The following LRRC1 variants were observed in gnomAD, a reference collection of about 807,000 sequenced individuals.
The protein encoded by LRRC1 is leucine-rich repeat-containing protein 1.
Under a neutral mutation model 69.9 loss-of-function variants are expected in LRRC1, and 28 were observed. That is an observed-to-expected ratio of 0.40 (90% CI 0.30 to 0.55). The LOEUF is 0.55. Among genes scored for constraint, LRRC1 ranks in the 20% least tolerant of loss-of-function variants. The pLI, the probability that LRRC1 is intolerant of heterozygous loss-of-function variation, is 0.47. For synonymous variants in LRRC1, 236 were observed against 240.2 expected (o/e 0.98, Z 0.16); for missense variants, 498 against 609.0 (o/e 0.82, Z 1.92).
intron 1 of LRRC1, among the ~76,000 whole-genome samples, chr6:53,823,112 G>T (rs1258115436): frequency 6.6e-6 from 1 of 152,132 alleles, no homozygotes; most frequent in African/African-American, 2.4e-5. Context: ...TTTTGGATAG[G>T]CTGCTATTGG....
intron 4 of LRRC1, among the ~76,000 whole-genome samples, chr6:53,892,893 A>G (rs1767749120): frequency 1.3e-5 from 2 of 152,212 alleles, no homozygotes; most frequent in South Asian, 4.1e-4. Flanking sequence ...TGACTTGTCC[A>G]GATTATGCTG....
At chr6:53,860,298 G>C (rs1766452600) in intron 2 of LRRC1, among the ~76,000 whole-genome samples, 1 of 152,158 alleles carries the variant, frequency 6.6e-6, no homozygotes, top group Non-Finnish European at 1.5e-5. Context: ...GAATATATGT[G>C]CATGCTTCAT....
intron 2 of LRRC1, among the ~76,000 whole-genome samples, chr6:53,871,101 G>A (rs1482364025): frequency 1.3e-5 from 2 of 152,172 alleles, no homozygotes; most frequent in Non-Finnish European, 2.9e-5. Flanking sequence ...ATAAACATGG[G>A]AGTGCAGATA....
intron 2 of LRRC1, 136 bp from the exon 3 acceptor site, chr6:53,878,857 T>C (rs1286326341): frequency 1.9e-6 from 1 of 537,024 alleles, no homozygotes; most frequent in East Asian, 3.0e-5. Flanking sequence ...TATATTAAAA[T>C]ACTTTATAAG....
chr6:53,855,389 C>T (rs761964274), intron 2 of LRRC1, among the ~76,000 whole-genome samples: 1 of 152,144 alleles, frequency 6.6e-6, no homozygotes, highest in African/African-American at 2.4e-5. Context: ...GCAAATTAGG[C>T]AAAACTGGAA....
At chr6:53,803,264 T>C (rs1036073427) in intron 1 of LRRC1, among the ~76,000 whole-genome samples, 1 of 152,228 alleles carries the variant, frequency 6.6e-6, no homozygotes, top group Admixed American at 6.5e-5. Context: ...ATGGTCTTGC[T>C]GTGCCGTGGA....
At chr6:53,889,175 G>A (rs1053537159) in intron 4 of LRRC1, among the ~76,000 whole-genome samples, 1 of 152,104 alleles carries the variant, frequency 6.6e-6, no homozygotes, top group African/African-American at 2.4e-5. Flanking sequence ...ATACCCTCTA[G>A]GATGATTATA....
intron 1 of LRRC1, among the ~76,000 whole-genome samples, chr6:53,801,182 G>A (rs1291560952): frequency 6.6e-6 from 1 of 152,124 alleles, no homozygotes; most frequent in Non-Finnish European, 1.5e-5. Flanking sequence ...TAGCTGAAGG[G>A]GTCACAGCGC....
At chr6:53,862,904 C>G (rs1766578197) in intron 2 of LRRC1, among the ~76,000 whole-genome samples, 1 of 152,190 alleles carries the variant, frequency 6.6e-6, no homozygotes, top group Non-Finnish European at 1.5e-5. Flanking sequence ...CATATTTAGT[C>G]TTGTTTGACA....
chr6:53,848,590 C>T (rs1461476192), intron 2 of LRRC1, among the ~76,000 whole-genome samples: 7 of 152,154 alleles, frequency 4.6e-5, no homozygotes, highest in African/African-American at 7.2e-5. Context: ...AGGGTCTTTT[C>T]GGTCTGCTTT....
intron 1 of LRRC1, among the ~76,000 whole-genome samples, chr6:53,835,392 A>G (rs1480354955): frequency 6.6e-6 from 1 of 152,184 alleles, no homozygotes; most frequent in Non-Finnish European, 1.5e-5. Context: ...AGCTACAAAG[A>G]GCCCTTTATC....
chr6:53,888,734 A>G (rs1053121957), intron 4 of LRRC1, among the ~76,000 whole-genome samples: 1 of 152,240 alleles, frequency 6.6e-6, no homozygotes, highest in Non-Finnish European at 1.5e-5. Flanking sequence ...AGATCTGAAT[A>G]TAAGAGCTAA....
At chr6:53,903,350 CT>C (rs1344428445) in intron 9 of LRRC1, among the ~76,000 whole-genome samples, 2 of 146,966 alleles carry the variant, frequency 1.4e-5, no homozygotes, top group Admixed American at 6.7e-5. Flanking sequence ...CGTGCACCCC[CT>C]GGCAAAGGGT....
At chr6:53,908,832 C>A (rs1768321690) in intron 10 of LRRC1, among the ~76,000 whole-genome samples, 1 of 152,098 alleles carries the variant, frequency 6.6e-6, no homozygotes, top group Non-Finnish European at 1.5e-5. Flanking sequence ...TCCACAAAAA[C>A]CAGCAAGTGA....
At chr6:53,833,924 G>A (rs1432497549) in intron 1 of LRRC1, among the ~76,000 whole-genome samples, 1 of 152,108 alleles carries the variant, frequency 6.6e-6, no homozygotes, top group African/African-American at 2.4e-5. Context: ...TTAAGTATTT[G>A]TGATTCTCTG....
chr6:53,894,233 A>T (rs954872485), intron 4 of LRRC1, among the ~76,000 whole-genome samples: 1 of 152,126 alleles, frequency 6.6e-6, no homozygotes, highest in African/African-American at 2.4e-5. Context: ...CACGGTCCTA[A>T]TCATGTCATG....
Position 53,795,434 on chromosome 6 carries a change from C to T in LRRC1, c.159+19C>T. ...GCCCGAGGTAAGGGTCCGGCCTCAC[C>T]TGAGCGCTCTGCCCGCTCGTCTGCT... On this transcript the variant is annotated intron_variant, in intron 1 of 13. Transcript: ENST00000370888. 3 of 1,599,904 alleles carry T rather than the reference C, an allele frequency of 1.9e-6. No homozygotes were observed. The highest frequency in any genetic ancestry group is 1.7e-6 in the Non-Finnish European group (2 of 1,175,804).
intron 4 of LRRC1, among the ~76,000 whole-genome samples, chr6:53,894,399 T>C: frequency 6.6e-6 from 1 of 152,236 alleles, no homozygotes; most frequent in East Asian, 1.9e-4. Flanking sequence ...CTGTGGAAAC[T>C]TGGCATAACA....
intron 2 of LRRC1, among the ~76,000 whole-genome samples, chr6:53,863,598 A>G (rs183526495): frequency 7.4e-4 from 112 of 152,256 alleles, no homozygotes; most frequent in African/African-American, 2.7e-3. Flanking sequence ...CAGATTTTCC[A>G]GATAAGTCAA....
Sources: gnomAD v4.1 joint callset for allele counts (sites outside exome capture counted in the v4.1 genomes callset) on GRCh38, gnomAD v4.1.1 for gene constraint, MANE v1.5 for transcripts, NCBI Gene and HGNC (gene_info 2026-07-23, HGNC 2026-07-21) for gene names.